The following DPP6 variants were observed in gnomAD, a reference collection of about 807,000 sequenced individuals.
The protein encoded by DPP6 is dipeptidyl peptidase like 6, also known as A-type potassium channel modulatory protein DPP6.
A neutral mutation model predicts 122.6 loss-of-function variants in DPP6; 69 were observed. The observed-to-expected ratio is 0.56, with a 90% confidence interval of 0.46 to 0.69. The LOEUF is 0.69. Ranked by LOEUF, DPP6 falls within the 30% of genes least tolerant of loss-of-function variation. The probability of loss-of-function intolerance (pLI) is 0.00; values close to 1 mark genes in which losing one functional copy is unlikely to be tolerated. For synonymous variants in DPP6, 418 were observed against 433.1 expected, an observed-to-expected ratio of 0.97 and a Z score of 0.43; for missense variants, 928 against 1,116.9, an observed-to-expected ratio of 0.83 and a Z score of 2.41.
At chr7:153,903,083 C>A (rs966787641) in intron 1 of DPP6, among the ~76,000 whole-genome samples, 6 of 152,152 alleles carry the variant, frequency 3.9e-5, no homozygotes, top group African/African-American at 1.4e-4. Context: ...GATGTTGACA[C>A]AATTTAGCCA....
intron 1 of DPP6, among the ~76,000 whole-genome samples, chr7:153,906,248 C>T (rs542799466): frequency 2.4e-4 from 37 of 152,166 alleles, no homozygotes; most frequent in Admixed American, 1.5e-3. Context: ...TTGTGTTACG[C>T]GGATATAGTG....
At chr7:154,477,645 G>C (rs2151356836) in intron 3 of DPP6, among the ~76,000 whole-genome samples, 1 of 152,272 alleles carries the variant, frequency 6.6e-6, no homozygotes, top group South Asian at 2.1e-4. Flanking sequence ...AATGAATGGA[G>C]TCTGCCCAGA....
intron 1 of DPP6, among the ~76,000 whole-genome samples, chr7:154,328,288 G>A (rs1012169373): frequency 6.6e-6 from 1 of 152,178 alleles, no homozygotes; most frequent in Non-Finnish European, 1.5e-5. Flanking sequence ...GGCACAGAGA[G>A]GGGAGGACAG....
intron 8 of DPP6, among the ~76,000 whole-genome samples, chr7:154,731,242 G>A (rs1302794448): frequency 6.6e-6 from 1 of 152,222 alleles, no homozygotes; most frequent in Non-Finnish European, 1.5e-5. Context: ...AGCATTTGCA[G>A]AGGGGCTCAT....
intron 1 of DPP6, among the ~76,000 whole-genome samples, chr7:153,995,982 A>T (rs970461725): frequency 6.6e-6 from 1 of 152,236 alleles, no homozygotes; most frequent in African/African-American, 2.4e-5. Flanking sequence ...CAGTTTTGGT[A>T]TCTGGGCAAC....
chr7:154,629,625 T>C (rs895664812), intron 5 of DPP6, among the ~76,000 whole-genome samples: 1 of 152,236 alleles, frequency 6.6e-6, no homozygotes, highest in African/African-American at 2.4e-5. Flanking sequence ...CACTTCCTCT[T>C]TGAATGGAAT....
In DPP6 at chr7:154,631,753, G is replaced by A. The variant is rs184538869; in HGVS notation, c.628-6068G>A. ...TTTTGTTTGTTTGTTTGTTTTCAAT[G>A]AGGGAGATTTGAGTTATATTCTACA... On this transcript the variant is annotated intron_variant, in intron 5 of 25. Coordinates refer to ENST00000377770, the MANE Select transcript of DPP6 (RefSeq NM_130797.4). Among the ~76,000 whole-genome samples the A allele has an allele frequency of 3.3e-3, 500 of 152,202 alleles. 2 individuals are homozygous for A. Among genetic ancestry groups the A allele is most frequent in the Admixed American group, 7.5e-3 (115 of 15,290 alleles).
chr7:154,500,944 T>C (rs918703909), intron 3 of DPP6, among the ~76,000 whole-genome samples: 1 of 152,198 alleles, frequency 6.6e-6, no homozygotes, highest in African/African-American at 2.4e-5. Flanking sequence ...TTTCCCAAAA[T>C]GCTGATAGTG....
chr7:153,906,878 C>T (rs1485385250), intron 1 of DPP6, among the ~76,000 whole-genome samples: 1 of 152,190 alleles, frequency 6.6e-6, no homozygotes, highest in Admixed American at 6.5e-5. Flanking sequence ...TGTATACGTA[C>T]CACATTTTAA....
rs182359569 is a variant in DPP6, at chr7:154,739,400, G to A, written c.883+11513G>A. Among the ~76,000 whole-genome samples the A allele has an allele frequency of 2.7e-3, 413 of 152,310 alleles. 1 individual carries two copies. Among genetic ancestry groups the A allele is most frequent in the South Asian group, 8.7e-3 (42 of 4,826 alleles). On this transcript the variant is annotated intron_variant, in intron 8 of 25. Transcript: ENST00000377770. Reference sequence around the variant, plus strand: ...AGTTGGGTTGAGAAAGCAGGCAGCCGTCCAGGGCAGCTGAGGGGACGCCAG... The same window carrying A: ...AGTTGGGTTGAGAAAGCAGGCAGCCATCCAGGGCAGCTGAGGGGACGCCAG...
At chr7:154,831,176 A>G (rs1374023443) in intron 16 of DPP6, among the ~76,000 whole-genome samples, 2 of 152,228 alleles carry the variant, frequency 1.3e-5, no homozygotes, top group African/African-American at 2.4e-5. Context: ...GGATGAATCC[A>G]CACCAATCCA....
chr7:153,921,752 A>G (rs1451342049), intron 1 of DPP6, among the ~76,000 whole-genome samples: 3 of 152,228 alleles, frequency 2.0e-5, no homozygotes, highest in African/African-American at 4.8e-5. Flanking sequence ...AAAATGCTGG[A>G]TTAGGACACA....
Position 154,085,141 on chromosome 7 carries a change from G to T in DPP6, c.243+32078G>T, listed in dbSNP as rs188119845. ...AAGAAAAAAAAAGAGCTTCTTTAAA[G>T]ACCAGCAATCCGTGGACAGGCATTT... On this transcript the variant is annotated intron_variant, in intron 1 of 25. Transcript: ENST00000377770. Among the ~76,000 whole-genome samples, 215 of 151,812 alleles carry T rather than the reference G, an allele frequency of 1.4e-3. 1 individual carries two copies. The highest frequency in any genetic ancestry group is 3.5e-3 in the Admixed American group (53 of 15,254).
the DPP6 span, among the ~76,000 whole-genome samples, chr7:153,807,868 G>A: frequency 6.6e-6 from 1 of 151,978 alleles, no homozygotes; most frequent in African/African-American, 2.4e-5. Context: ...CTACCTGGAA[G>A]CTGTGGGGGA....
At chr7:154,109,244 A>C (rs1319178888) in intron 1 of DPP6, among the ~76,000 whole-genome samples, 9 of 152,274 alleles carry the variant, frequency 5.9e-5, no homozygotes, top group Admixed American at 5.9e-4. Context: ...TGAGGAGCAT[A>C]TGAAAATTAT....
At chr7:153,793,629 C>G in the DPP6 span, among the ~76,000 whole-genome samples, 1 of 150,656 alleles carries the variant, frequency 6.6e-6, no homozygotes, top group Non-Finnish European at 1.5e-5. Flanking sequence ...TAATGAGGAA[C>G]CAAATGTTAA....
At chr7:154,198,848 C>T (rs868600548) in intron 1 of DPP6, among the ~76,000 whole-genome samples, 4 of 152,198 alleles carry the variant, frequency 2.6e-5, no homozygotes, top group Admixed American at 6.5e-5. Flanking sequence ...GAGGGCCTGA[C>T]GAGGGTGGGT....
At chr7:153,867,252 T>G in the DPP6 span, among the ~76,000 whole-genome samples, 2 of 152,196 alleles carry the variant, frequency 1.3e-5, no homozygotes, top group Non-Finnish European at 2.9e-5. Flanking sequence ...GTATGGCCAT[T>G]TTCACGATAT....
chr7:154,637,817 G>T lies in DPP6; in HGVS notation c.628-4G>T. 4 of 1,575,148 alleles carry T rather than the reference G, an allele frequency of 2.5e-6. No homozygotes were observed. Among genetic ancestry groups the T allele is most frequent in the Non-Finnish European group, 3.5e-6 (4 of 1,159,214 alleles). On this transcript the variant is annotated splice_region_variant and splice_polypyrimidine_tract_variant and intron_variant, in intron 5 of 25. Coordinates refer to ENST00000377770, the MANE Select transcript of DPP6 (RefSeq NM_130797.4). ...CTACCTTTTTTCCTTTTTGTCTGTT[G>T]CAGATATATCAACACTCGTATACTG...
Sources: gnomAD v4.1 joint callset for allele counts (sites outside exome capture counted in the v4.1 genomes callset) on GRCh38, gnomAD v4.1.1 for gene constraint, MANE v1.5 for transcripts, NCBI Gene and HGNC (gene_info 2026-07-23, HGNC 2026-07-21) for gene names.